Variants in EYA3 observed in about 807,000 individuals in gnomAD.
The protein encoded by EYA3 is EYA transcriptional coactivator and phosphatase 3.
A neutral mutation model predicts 80.0 loss-of-function variants in EYA3; 39 were observed. The ratio of observed to expected loss-of-function variants is 0.49; its 90% CI spans 0.38 to 0.64. EYA3 has a LOEUF of 0.64. Among genes scored for constraint, EYA3 ranks in the 30% least tolerant of loss-of-function variants. EYA3 has a pLI of 0.00. For synonymous variants in EYA3, 206 were observed against 232.8 expected (o/e 0.88, Z 1.05); for missense variants, 523 against 676.1 (o/e 0.77, Z 2.51).
At chr1:28,047,172 G>A (rs1422489630) in intron 3 of EYA3, among the ~76,000 whole-genome samples, 1 of 149,616 alleles carries the variant, frequency 6.7e-6, no homozygotes, top group African/African-American at 2.5e-5. Flanking sequence ...AGTCTTTGTC[G>A]CCCAGGCTGG....
chr1:27,993,580 T>C lies in EYA3; in HGVS notation c.1143-20A>G. On this transcript the variant is annotated intron_variant, in intron 13 of 17. Coordinates refer to ENST00000373871, the MANE Select transcript of EYA3 (RefSeq NM_001990.4). ...TAGTTGCTGCAAGGAGAGAAGATAA[T>C]AAAAATTAAAATTTATACAGCATAA... The C allele has an allele frequency of 6.4e-7, 1 of 1,557,314 alleles. No individual in the cohort carries two copies. Among genetic ancestry groups the C allele is most frequent in the Non-Finnish European group, 8.6e-7 (1 of 1,159,726 alleles).
At position 27,978,477 on chromosome 1, in the gene EYA3, G is replaced by T. The variant is rs1443130740; in HGVS notation, c.1541-3C>A. 6.2e-7 allele frequency: 1 copy of T among 1,611,758 alleles called. No individual in the cohort carries two copies. Among genetic ancestry groups the T allele is most frequent in the East Asian group, 2.2e-5 (1 of 44,836 alleles). On this transcript the variant is annotated splice_region_variant and splice_polypyrimidine_tract_variant and intron_variant, in intron 16 of 17. Coordinates refer to ENST00000373871, the MANE Select transcript of EYA3 (RefSeq NM_001990.4). ...TCTCTCAAAGCAGCTCTCCTTACCT[G>T]ATGAGAAAAAGAAATTTCCTGTTAG...
At chr1:28,053,319 TG>T (rs746172471) in intron 2 of EYA3, among the ~76,000 whole-genome samples, 78 of 152,258 alleles carry the variant, frequency 5.1e-4, no homozygotes, top group Middle Eastern at 3.4e-3. Context: ...TCAATAAAGC[TG>T]GTATCTTAAA....
rs1038180551 is a variant in EYA3, at chr1:28,019,589, C to A, written c.500-2350G>T. Among the ~76,000 whole-genome samples, 6 of 152,318 alleles carry A rather than the reference C, an allele frequency of 3.9e-5. No homozygotes were observed. The South Asian group carries it at 6.2e-4, about 16-fold the overall frequency. On this transcript the variant is annotated intron_variant, in intron 7 of 17. Coordinates refer to ENST00000373871, the MANE Select transcript of EYA3 (RefSeq NM_001990.4). ...AAATAAAATAAAGAATTGATTTAAT[C>A]ATTTATCTTCCCCAGCAAGTCCATT...
At chr1:28,003,145 C>A (rs1037384752) in intron 11 of EYA3, among the ~76,000 whole-genome samples, 6 of 151,810 alleles carry the variant, frequency 4.0e-5, no homozygotes, top group Non-Finnish European at 2.9e-5. Flanking sequence ...TGGCAGGCGC[C>A]TGTAGTCCTA....
At chr1:27,981,287 G>C (rs944965350) in intron 16 of EYA3, among the ~76,000 whole-genome samples, 8 of 152,162 alleles carry the variant, frequency 5.3e-5, no homozygotes, top group African/African-American at 1.7e-4. Context: ...AATTAGCTCT[G>C]GATGAACTGA....
chr1:27,974,208 T>C lies in EYA3; in HGVS notation c.*258A>G, dbSNP rs985948972. 2.2e-5 allele frequency: 6 copies of C among 272,158 alleles called. No individual in the cohort carries two copies. The highest frequency in any genetic ancestry group is 4.8e-5 in the Admixed American group (1 of 20,922). The allele number at this position is 272,158 out of a possible 1,614,324, so 16.9% of individuals were successfully genotyped here. On this transcript the variant is annotated 3_prime_UTR_variant, in exon 18 of 18. Transcript: ENST00000373871. ...GGCTGCAGCTCACTCTTAGCAAAAA[T>C]TGCAGCTGTTGGTTCTGATTGTGTT...
chr1:27,983,836 G>A (rs888847210), intron 16 of EYA3, among the ~76,000 whole-genome samples: 1 of 152,102 alleles, frequency 6.6e-6, no homozygotes, highest in African/African-American at 2.4e-5. Context: ...TGTATTTTTA[G>A]TAGAGACAGG....
chr1:28,084,647 C>A (rs1278146426), intron 1 of EYA3, among the ~76,000 whole-genome samples: 1 of 109,536 alleles, frequency 9.1e-6, no homozygotes, highest in African/African-American at 3.5e-5. Flanking sequence ...CTCGCTCTGT[C>A]GCCTAGGGTG....
In EYA3 at chr1:27,971,058, T is replaced by C. The variant is rs1313312019; in HGVS notation, c.*3408A>G. ...CAGTCTCTTGGGACAACTCACTAGCTTTACAGAAGACAGGAACGCCGCAAA... is the reference window on the plus strand; with the variant it reads ...CAGTCTCTTGGGACAACTCACTAGCCTTACAGAAGACAGGAACGCCGCAAA... On this transcript the variant is annotated 3_prime_UTR_variant, in exon 18 of 18. Transcript: ENST00000373871. 2.0e-5 allele frequency: 3 copies of C among 152,204 alleles called. No individual in the cohort carries two copies. The highest frequency in any genetic ancestry group is 4.4e-5 in the Non-Finnish European group (3 of 68,042). The allele number at this position is 152,204 out of a possible 1,614,324, so 9.4% of individuals were successfully genotyped here.
chr1:27,994,679 A>T (rs566281797), intron 13 of EYA3, among the ~76,000 whole-genome samples: 4 of 151,990 alleles, frequency 2.6e-5, no homozygotes, highest in Admixed American at 2.6e-4. Context: ...GAAAAGAACT[A>T]CCCCTGGCCA....
At chr1:28,001,799 C>T (rs1249712362) in intron 11 of EYA3, among the ~76,000 whole-genome samples, 3 of 148,700 alleles carry the variant, frequency 2.0e-5, no homozygotes, top group Non-Finnish European at 4.5e-5. Flanking sequence ...GGCGCGATCT[C>T]GGCTCACTGC....
At position 27,997,383 on chromosome 1, in the gene EYA3, T is replaced by TA; in HGVS notation, c.1084-6dup. 6.2e-7 allele frequency: 1 copy of TA among 1,613,782 alleles called. No homozygotes were observed. Among genetic ancestry groups the TA allele is most frequent in the South Asian group, 1.1e-5 (1 of 91,070 alleles). On this transcript the variant is annotated splice_region_variant and splice_polypyrimidine_tract_variant and intron_variant, in intron 12 of 17. Coordinates refer to ENST00000373871, the MANE Select transcript of EYA3 (RefSeq NM_001990.4). ...CACATGTACCTGGTCACACTCCTGT[T>TA]AAAAGACAAAACATATTACTTCAGT...
intron 10 of EYA3, among the ~76,000 whole-genome samples, chr1:28,010,355 A>G (rs80234559): frequency 0.032 from 4,901 of 152,250 alleles, 244 homozygotes; most frequent in African/African-American, 0.11. Context: ...TGCGCCTTAC[A>G]GAAACTTGGC....
chr1:27,993,896 A>G (rs1173930996), intron 13 of EYA3, among the ~76,000 whole-genome samples: 1 of 152,240 alleles, frequency 6.6e-6, no homozygotes, highest in Non-Finnish European at 1.5e-5. Flanking sequence ...AAATTTTGTG[A>G]GTACACTTAC....
intron 1 of EYA3, among the ~76,000 whole-genome samples, chr1:28,086,223 C>CTTTTT (rs5773209): frequency 4.8e-5 from 7 of 146,640 alleles, no homozygotes; most frequent in African/African-American, 1.8e-4. Flanking sequence ...GTTGTAATTT[C>CTTTTT]TTTTTTTTTT....
Position 28,038,830 on chromosome 1 carries a change from T to C in EYA3, c.224+9A>G. 6.6e-7 allele frequency: 1 copy of C among 1,521,218 alleles called. No homozygotes were observed. Among genetic ancestry groups the C allele is most frequent in the Non-Finnish European group, 8.9e-7 (1 of 1,117,624 alleles). 94.2% of individuals were successfully genotyped at this position (1,521,218 alleles called of 1,614,324 possible). On this transcript the variant is annotated intron_variant, in intron 5 of 17. Transcript: ENST00000373871. ...GCATATGCATTTTGGAAATAATTATTCAACTTACTTTGCAGAATACATTTG... is the reference window on the plus strand; with the variant it reads ...GCATATGCATTTTGGAAATAATTATCCAACTTACTTTGCAGAATACATTTG...
At chr1:27,989,200 G>T (rs1557531653) in intron 15 of EYA3, among the ~76,000 whole-genome samples, 1 of 152,220 alleles carries the variant, frequency 6.6e-6, no homozygotes, top group Non-Finnish European at 1.5e-5. Flanking sequence ...TTACTGCTTT[G>T]CGGGAGGGAG....
intron 9 of EYA3, 113 bp downstream of exon 9, chr1:28,012,998 A>G (rs1333924200): frequency 1.7e-6 from 2 of 1,207,140 alleles, no homozygotes; most frequent in African/African-American, 3.0e-5. Context: ...AGGGAAAGCC[A>G]AAAGCATGGT....
Sources: allele counts gnomAD v4.1 joint callset (sites outside exome capture counted in the v4.1 genomes callset), GRCh38; gene constraint gnomAD v4.1.1; transcripts MANE v1.5; gene names NCBI Gene and HGNC (gene_info 2026-07-23, HGNC 2026-07-21).